The following RTCA variants were observed in gnomAD, a reference collection of about 807,000 sequenced individuals.
The protein encoded by RTCA is RNA 3'-terminal phosphate cyclase.
A neutral mutation model predicts 46.1 loss-of-function variants in RTCA; 37 were observed. The ratio of observed to expected loss-of-function variants is 0.80; its 90% CI spans 0.62 to 1.06. RTCA has a LOEUF of 1.06. Among genes scored for constraint, RTCA ranks in the 50% least tolerant of loss-of-function variants. RTCA has a pLI of 0.00. For missense variants in RTCA, 435 were observed against 455.5 expected, an observed-to-expected ratio of 0.95 and a Z score of 0.41; for synonymous variants, 164 against 158.3, an observed-to-expected ratio of 1.04 and a Z score of -0.27.
Position 100,275,681 on chromosome 1 carries a change from A to G in RTCA, c.698A>G (p.Gln233Arg). The G allele has an allele frequency of 6.2e-7, 1 of 1,612,348 alleles. No homozygotes were observed. Among genetic ancestry groups the G allele is most frequent in the Non-Finnish European group, 8.5e-7 (1 of 1,179,076 alleles). ...RDLYVNIQPV[Q>R]EPKDQAFGNG... ...TTGTATGTTAACATCCAGCCTGTTCAAGAACCTAAAGACCAAGCATTTGGC... is the reference window on the plus strand; with the variant it reads ...TTGTATGTTAACATCCAGCCTGTTCGAGAACCTAAAGACCAAGCATTTGGC... The change falls in exon 7 of 11, where the codon CAA becomes CGA. Residue 233 changes from glutamine to arginine, a missense_variant. By Grantham distance (43) the Gln-to-Arg change is conservative (BLOSUM62 1). Coordinates refer to ENST00000370128, the MANE Select transcript of RTCA (RefSeq NM_003729.4).
At chr1:100,278,475 A>C in intron 8 of RTCA, among the ~76,000 whole-genome samples, 1 of 152,200 alleles carries the variant, frequency 6.6e-6, no homozygotes, top group East Asian at 1.9e-4. Flanking sequence ...AGCATCTTTA[A>C]AAATGCTTAC....
Position 100,275,633 on chromosome 1 carries a change from G to A in RTCA, c.650G>A (p.Cys217Tyr). The change falls in exon 7 of 11, where the codon TGC becomes TAC. Residue 217 changes from cysteine to tyrosine, a missense_variant. Physicochemically the swap from Cys to Tyr is radical, Grantham distance 194. Transcript: ENST00000370128. ...AKDMAAAAVR[C>Y]IRKEIRDLYV... is the part of the protein sequence containing the mutation. ...GATATGGCAGCGGCAGCAGTTAGAT[G>A]CATCAGAAAGGAGATCCGGGATTTG... The A allele has an allele frequency of 1.2e-6, 2 of 1,611,734 alleles. No individual in the cohort carries two copies. The highest frequency in any genetic ancestry group is 1.7e-6 in the Non-Finnish European group (2 of 1,178,794).
intron 8 of RTCA, among the ~76,000 whole-genome samples, chr1:100,279,736 C>T (rs973548939): frequency 1.3e-5 from 2 of 152,014 alleles, no homozygotes; most frequent in African/African-American, 4.8e-5. Flanking sequence ...GCTATGATTG[C>T]ACCACTGCAT....
chr1:100,291,715 T>C lies in RTCA; in HGVS notation c.*211T>C. On this transcript the variant is annotated 3_prime_UTR_variant, in exon 11 of 11. Transcript: ENST00000370128. ...ACAATGAAATATCAGTTGGTGGATA[T>C]GTGTGATAGCTGATTTCAATATTGA... 2.9e-6 allele frequency: 1 copy of C among 340,792 alleles called. No homozygotes were observed. 21.1% of individuals were successfully genotyped at this position (340,792 alleles called of 1,614,324 possible).
chr1:100,275,654 A>T lies in RTCA; in HGVS notation c.671A>T (p.Asp224Val). Reference sequence around the variant, plus strand: ...AGATGCATCAGAAAGGAGATCCGGGATTTGTATGTTAACATCCAGCCTGTT... The same window carrying T: ...AGATGCATCAGAAAGGAGATCCGGGTTTTGTATGTTAACATCCAGCCTGTT... The part of the protein sequence containing the change: ...AVRCIRKEIR[D>V]LYVNIQPVQE... Residue 224 changes from aspartate to valine, a missense_variant, in exon 7 of 11, where the codon GAT (aspartate) becomes GTT (valine). By Grantham distance (152) the Asp-to-Val change is radical. Transcript: ENST00000370128. 3 of 1,612,628 alleles carry T rather than the reference A, an allele frequency of 1.9e-6. No individual in the cohort carries two copies. Among genetic ancestry groups the T allele is most frequent in the Non-Finnish European group, 8.5e-7 (1 of 1,179,210 alleles).
Position 100,269,005 on chromosome 1 carries a change from A to G in RTCA, c.290+710A>G, listed in dbSNP as rs183007286. ...CAAATTTGAGACCAGCCTGGGCAAC[A>G]TGGCAAAACCCCGTCATATATATAT... On this transcript the variant is annotated intron_variant, in intron 3 of 10. Coordinates refer to ENST00000370128, the MANE Select transcript of RTCA (RefSeq NM_003729.4). Among the ~76,000 whole-genome samples, 93 of 150,912 alleles carry G rather than the reference A, an allele frequency of 6.2e-4. 1 individual carries two copies. In the East Asian group the frequency reaches 0.017, roughly 27 times the overall value.
At chr1:100,281,353 T>G (rs1557978263) in intron 8 of RTCA, 4 of 527,812 alleles carry the variant, frequency 7.6e-6, no homozygotes, top group Non-Finnish European at 1.6e-5. Context: ...TGAGAAGACC[T>G]AAATTTTAGT....
chr1:100,283,957 C>CAA (rs1557979493), intron 8 of RTCA, among the ~76,000 whole-genome samples: 1 of 49,158 alleles, frequency 2.0e-5, no homozygotes, highest in Non-Finnish European at 4.2e-5. Context: ...AAAGAAAAAA[C>CAA]AAGAAAAAAC....
rs74873537 is a variant in RTCA, at chr1:100,291,249, A to C, written c.1000-154A>C. On this transcript the variant is annotated intron_variant, in intron 10 of 10. Coordinates refer to ENST00000370128, the MANE Select transcript of RTCA (RefSeq NM_003729.4). ...GAAATGTGTTATCTTGAGGCTATTAAGTTTCTTTCTCATCAATCATTTGAT... is the reference window on the plus strand; with the variant it reads ...GAAATGTGTTATCTTGAGGCTATTACGTTTCTTTCTCATCAATCATTTGAT... 6.9e-3 allele frequency among the ~76,000 whole-genome samples: 1,028 copies of C among 149,764 alleles called. 11 individuals are homozygous for C. Among genetic ancestry groups the C allele is most frequent in the African/African-American group, 0.025 (991 of 39,916 alleles).
chr1:100,274,067 C>T (rs1253583514), intron 5 of RTCA, among the ~76,000 whole-genome samples: 3 of 152,130 alleles, frequency 2.0e-5, no homozygotes, highest in African/African-American at 7.2e-5. Context: ...TATTCTTCCC[C>T]TGCTCTCCCA....
In RTCA at chr1:100,277,262, A is replaced by T. The variant is rs760289797; in HGVS notation, c.745A>T (p.Ile249Phe). Residue 249 changes from isoleucine to phenylalanine, a missense_variant, in exon 8 of 11, where the codon ATT becomes TTT. By Grantham distance (21) the Ile-to-Phe change is conservative. Transcript: ENST00000370128. ...ATAACTTTTTTTCTTGCATAGAATT[A>T]TTGCTGAGACCTCCACTGGCTGTTT... ...AFGNGNGIII[I>F]AETSTGCLFA... The T allele has an allele frequency of 6.2e-7, 1 of 1,613,056 alleles. No individual in the cohort carries two copies. The highest frequency in any genetic ancestry group is 8.5e-7 in the Non-Finnish European group (1 of 1,179,608).
chr1:100,281,369 G>T, intron 8 of RTCA: 1 of 519,934 alleles, frequency 1.9e-6, no homozygotes, highest in Non-Finnish European at 3.9e-6. Context: ...TTAGTCCCAT[G>T]TCCTGTCATT....
chr1:100,273,371 A>G (rs766037087), intron 4 of RTCA, 23 bp from the exon 5 acceptor site: 1 of 1,496,900 alleles, frequency 6.7e-7, no homozygotes, highest in South Asian at 1.2e-5. Flanking sequence ...GATTAACCTA[A>G]TGATAAAAAC....
intron 2 of RTCA, chr1:100,266,984 C>T: frequency 3.4e-6 from 1 of 296,290 alleles, no homozygotes; most frequent in Non-Finnish European, 6.4e-6. Context: ...AGAGGAAACC[C>T]TGTTTTATAA....
chr1:100,286,073 A>T (rs1320411280), intron 9 of RTCA, among the ~76,000 whole-genome samples: 1 of 152,106 alleles, frequency 6.6e-6, no homozygotes, highest in Non-Finnish European at 1.5e-5. Context: ...TTATATCCGA[A>T]GCCCAGGCCT....
chr1:100,285,121 A>C, intron 8 of RTCA, 107 bp from the exon 9 acceptor site: 1 of 803,080 alleles, frequency 1.2e-6, no homozygotes. Context: ...TTGAGGCCTA[A>C]AAATTGTATA....
At chr1:100,274,625 T>G (rs1666272217) in intron 5 of RTCA, among the ~76,000 whole-genome samples, 199 bp from the exon 6 acceptor site, 1 of 152,238 alleles carries the variant, frequency 6.6e-6, no homozygotes, top group Non-Finnish European at 1.5e-5. Context: ...TTCACATATC[T>G]CAAGGCTACC....
rs541375086 is a variant in RTCA at position 100,266,306 on chromosome 1, C to T, written c.-70C>T. 68 of 1,578,262 alleles carry T rather than the reference C, an allele frequency of 4.3e-5. No individual in the cohort carries two copies. The South Asian group carries it at 7.1e-4, about 16-fold the overall frequency. Reference sequence around the variant, plus strand: ...AGGTTTCTGAACTACTGGGCGGGAGCCAACGTCTCTTCTTTCTCCCGCTCT... The same window carrying T: ...AGGTTTCTGAACTACTGGGCGGGAGTCAACGTCTCTTCTTTCTCCCGCTCT... On this transcript the variant is annotated 5_prime_UTR_variant, in exon 1 of 11. Transcript: ENST00000370128.
chr1:100,275,551 AAAT>A (rs1310371424), intron 6 of RTCA, 45 bp from the exon 7 acceptor site: 2 of 1,482,414 alleles, frequency 1.3e-6, no homozygotes, highest in East Asian at 2.4e-5. Context: ...ACAATTTTCC[AAAT>A]AATCAGTAAT....
Sources: gnomAD v4.1 joint callset for allele counts (sites outside exome capture counted in the v4.1 genomes callset) on GRCh38, gnomAD v4.1.1 for gene constraint, MANE v1.5 for transcripts, NCBI Gene and HGNC (gene_info 2026-07-23, HGNC 2026-07-21) for gene names.